ACSM2A: variants seen among roughly 807,000 people sequenced by gnomAD.
ACSM2A encodes the protein acyl-CoA synthetase medium chain family member 2A.
A neutral mutation model predicts 76.6 loss-of-function variants in ACSM2A; 72 were observed. That is an observed-to-expected ratio of 0.94 (90% CI 0.78 to 1.14). ACSM2A has a LOEUF of 1.14. Among genes scored for constraint, ACSM2A ranks in the 50% most tolerant of loss-of-function variants. The pLI is 0.00. For synonymous variants in ACSM2A, 249 were observed against 255.9 expected, an observed-to-expected ratio of 0.97 and a Z score of 0.26; for missense variants, 684 against 708.5, an observed-to-expected ratio of 0.97 and a Z score of 0.39.
chr16:20,483,519 G>T (rs572904158), intron 13 of ACSM2A, among the ~76,000 whole-genome samples: 13 of 122,258 alleles, frequency 1.1e-4, no homozygotes, highest in African/African-American at 3.8e-4. Flanking sequence ...ACAGTGAGCC[G>T]AGATTGTGCC....
chr16:20,468,353 A>G (rs2013142730), intron 3 of ACSM2A, among the ~76,000 whole-genome samples: 1 of 152,160 alleles, frequency 6.6e-6, no homozygotes, highest in East Asian at 1.9e-4. Context: ...CTGTGTAGTT[A>G]TTCTGTTCTT....
In ACSM2A at chr16:20,485,335, A is replaced by G. The variant is rs572210975; in HGVS notation, c.1630-1239A>G. ...TGCAAGTCTCTCCTCTAGAATTCTCAAGGCAGCGGATTATTTGCACCTTCC... is the reference window on the plus strand; with the variant it reads ...TGCAAGTCTCTCCTCTAGAATTCTCGAGGCAGCGGATTATTTGCACCTTCC... On this transcript the variant is annotated intron_variant, in intron 13 of 13. Coordinates refer to ENST00000573854, the MANE Select transcript of ACSM2A (RefSeq NM_001308172.2). 3.9e-5 allele frequency among the ~76,000 whole-genome samples: 6 copies of G among 152,238 alleles called. No homozygotes were observed. In the East Asian group the frequency reaches 1.2e-3, roughly 29 times the overall value.
chr16:20,465,791 A>G lies in ACSM2A; in HGVS notation c.388+64A>G. ...TGTGAAGAAAACTGATAGCAGAGAAATGCAGCCACCTCTCTCAAAAGAAGT... is the reference window on the plus strand; with the variant it reads ...TGTGAAGAAAACTGATAGCAGAGAAGTGCAGCCACCTCTCTCAAAAGAAGT... On this transcript the variant is annotated intron_variant, in intron 3 of 13. Transcript: ENST00000573854. 1.9e-6 allele frequency: 3 copies of G among 1,561,996 alleles called. No individual in the cohort carries two copies. The East Asian group carries it at 7.0e-5, about 36-fold the overall frequency.
At chr16:20,454,429 G>C (rs189217197) in intron 1 of ACSM2A, among the ~76,000 whole-genome samples, 3 of 151,538 alleles carry the variant, frequency 2.0e-5, no homozygotes, top group Non-Finnish European at 4.4e-5. Context: ...CCCAGTAGTG[G>C]CAGCATTCCC....
chr16:20,475,263 C>A, intron 6 of ACSM2A, 99 bp from the exon 7 acceptor site: 1 of 1,594,108 alleles, frequency 6.3e-7, no homozygotes, highest in South Asian at 1.1e-5. Flanking sequence ...TTCATCCAGA[C>A]CTCTACAACT....
chr16:20,469,767 A>G, intron 4 of ACSM2A, 48 bp downstream of exon 4: 1 of 1,611,514 alleles, frequency 6.2e-7, no homozygotes, highest in African/African-American at 1.3e-5. Context: ...AACTGGAAAC[A>G]GAGCCAAGCA....
chr16:20,465,648 G>A lies in ACSM2A; in HGVS notation c.309G>A (p.Leu103=). 6.2e-7 allele frequency: 1 copy of A among 1,614,008 alleles called. No homozygotes were observed. The highest frequency in any genetic ancestry group is 1.3e-5 in the African/African-American group (1 of 75,062). Residue 103 remains leucine, a synonymous_variant, in exon 3 of 14, where the codon CTG becomes CTA. Transcript: ENST00000573854. ...ACGTCCTCTCGGGAGCCTGTGGCCT[G>A]CAGCGTGGGGATCGTGTGGCAGTGG... ...AANVLSGACG[L]QRGDRVAVVL...
intron 1 of ACSM2A, among the ~76,000 whole-genome samples, chr16:20,459,870 T>A (rs12448840): frequency 0.26 from 40,238 of 152,010 alleles, 6,799 homozygotes; most frequent in Admixed American, 0.38. Flanking sequence ...CACAAAACTG[T>A]CAGAAGTGTT....
rs1251649554 is a variant in ACSM2A, at chr16:20,471,645, T to G, written c.850T>G (p.Phe284Val). Residue 284 changes from phenylalanine to valine, a missense_variant, in exon 6 of 14, where the codon TTT becomes GTT. By Grantham distance (50) the Phe-to-Val change is conservative (BLOSUM62 -1). Transcript: ENST00000573854. The part of the protein sequence containing the change: ...MEPWALGACT[F>V]VHLLPKFDPL... ...ACCTTGGGCATTAGGAGCATGCACA[T>G]TTGTTCATCTCTTGCCAAAGTTTGA... 1.2e-6 allele frequency: 2 copies of G among 1,614,008 alleles called. No homozygotes were observed.
Position 20,486,667 on chromosome 16 carries a change from C to A in ACSM2A, c.1723C>A (p.Arg575Ser), listed in dbSNP as rs1430246150. The A allele has an allele frequency of 4.3e-6, 7 of 1,614,126 alleles. No homozygotes were observed. The highest frequency in any genetic ancestry group is 4.2e-6 in the Non-Finnish European group (5 of 1,179,996). ...GGAGTGGAAGATGTCCGGAAAAGCC[C>A]GTGCGCAGTGAGACATCTAAGAGAC... Reference protein sequence around the residue: ...DKEWKMSGKARAQ With the variant: ...DKEWKMSGKASAQ Residue 575 changes from arginine to serine, a missense_variant, in exon 14 of 14, where the codon CGT becomes AGT. This residue lies in a region of ACSM2A where 159 missense variants were observed against 132.5 expected (regional missense o/e 1.20). Coordinates refer to ENST00000573854, the MANE Select transcript of ACSM2A (RefSeq NM_001308172.2).
chr16:20,485,665 T>C (rs1195336366), intron 13 of ACSM2A, among the ~76,000 whole-genome samples: 2 of 152,228 alleles, frequency 1.3e-5, no homozygotes, highest in Non-Finnish European at 2.9e-5. Flanking sequence ...TTTGCTGACC[T>C]CTCCTCCATT....
Position 20,486,871 on chromosome 16 carries a change from G to A in ACSM2A, c.*193G>A, listed in dbSNP as rs2014409178. The A allele has an allele frequency of 1.6e-6, 1 of 612,700 alleles. No individual in the cohort carries two copies. The highest frequency in any genetic ancestry group is 2.7e-6 in the Non-Finnish European group (1 of 368,346). The allele number at this position is 612,700 out of a possible 1,614,324, so 38.0% of individuals were successfully genotyped here. On this transcript the variant is annotated 3_prime_UTR_variant, in exon 14 of 14. Transcript: ENST00000573854. ...GAAGAAAGGGAAGGAATGAGAGAGA[G>A]TGAAAAGGAGAGGGTAACAGAAAAA...
At chr16:20,485,885 G>A (rs2014358067) in intron 13 of ACSM2A, among the ~76,000 whole-genome samples, 1 of 152,202 alleles carries the variant, frequency 6.6e-6, no homozygotes, top group South Asian at 2.1e-4. Context: ...AAGCCTCAAT[G>A]AGGCATCTTC....
chr16:20,477,567 T>G, intron 9 of ACSM2A, 118 bp downstream of exon 9: 2 of 1,409,702 alleles, frequency 1.4e-6, no homozygotes, highest in Non-Finnish European at 1.9e-6. Flanking sequence ...TAAGATAACA[T>G]AAGAAAAAAA....
chr16:20,485,416 G>A (rs974783692), intron 13 of ACSM2A, among the ~76,000 whole-genome samples: 3 of 152,070 alleles, frequency 2.0e-5, no homozygotes, highest in Admixed American at 1.3e-4. Context: ...ATGACAAGCA[G>A]AGTAGCTTCC....
At chr16:20,477,528 G>C in intron 9 of ACSM2A, 79 bp downstream of exon 9, 1 of 1,513,030 alleles carries the variant, frequency 6.6e-7, no homozygotes, top group Non-Finnish European at 8.9e-7. Context: ...ATTGTTTATT[G>C]AGTCAAAAAT....
chr16:20,483,053 T>A lies in ACSM2A; in HGVS notation c.1510-5T>A. The stretch of plus-strand genomic sequence containing the variant: ...CCTTCTCTCTGGCCTTCATCTTTTT[T>A]GCAGGTGGTGAAGGCATTTGTGGTC... On this transcript the variant is annotated splice_polypyrimidine_tract_variant and splice_region_variant and intron_variant, in intron 12 of 13. Coordinates refer to ENST00000573854, the MANE Select transcript of ACSM2A (RefSeq NM_001308172.2). 1 of 1,613,550 alleles carries A rather than the reference T, an allele frequency of 6.2e-7. No individual in the cohort carries two copies. The highest frequency in any genetic ancestry group is 8.5e-7 in the Non-Finnish European group (1 of 1,179,630).
chr16:20,466,013 A>C (rs573925493), intron 3 of ACSM2A, among the ~76,000 whole-genome samples: 73 of 152,320 alleles, frequency 4.8e-4, no homozygotes, highest in African/African-American at 1.7e-3. Context: ...TTTAATCAGA[A>C]TTATGATAAT....
chr16:20,467,178 G>A (rs2013049745), intron 3 of ACSM2A, among the ~76,000 whole-genome samples: 2 of 152,168 alleles, frequency 1.3e-5, no homozygotes, highest in Non-Finnish European at 1.5e-5. Context: ...GAACCTAAAA[G>A]GATATCTATG....
Sources: gnomAD v4.1 joint callset for allele counts (sites outside exome capture counted in the v4.1 genomes callset) on GRCh38, gnomAD v4.1.1 for gene constraint, gnomAD v4.1.1 regional missense constraint, MANE v1.5 for transcripts, NCBI Gene and HGNC (gene_info 2026-07-23, HGNC 2026-07-21) for gene names.